Variants in THSD1 observed in about 807,000 individuals in gnomAD.
The protein encoded by THSD1 is thrombospondin type-1 domain-containing protein 1.
Under a neutral mutation model 46.3 loss-of-function variants are expected in THSD1, and 34 were observed. The observed-to-expected ratio is 0.74, with a 90% CI of 0.56 to 0.98. The LOEUF is 0.98. Among genes scored for constraint, THSD1 ranks in the 50% least tolerant of loss-of-function variants. The probability of loss-of-function intolerance (pLI) is 0.00; values close to 1 mark genes in which losing one functional copy is unlikely to be tolerated. For synonymous variants in THSD1, 407 were observed against 416.5 expected, an observed-to-expected ratio of 0.98 and a Z score of 0.28; for missense variants, 1,023 against 1,058.3, an observed-to-expected ratio of 0.97 and a Z score of 0.46.
Position 52,377,591 on chromosome 13 carries a change from A to G in THSD1, c.2379T>C (p.Ser793=). ...TTTGACACTTGTCTTTTCTACACTG[A>G]GAAGGGCTCAGAGAACTGACCCTCT... is the stretch of plus-strand genomic sequence containing the variant. The part of the protein sequence containing the change: ...NYQRVSSLSP[S]QCRKDKCQSF... The change falls in exon 5 of 5, where the codon TCT becomes TCC. Residue 793 remains serine, a synonymous_variant. Transcript: ENST00000258613. 1.2e-6 allele frequency: 2 copies of G among 1,602,406 alleles called. No individual in the cohort carries two copies. The highest frequency in any genetic ancestry group is 1.7e-6 in the Non-Finnish European group (2 of 1,172,118).
chr13:52,395,782 T>TC (rs1957805824), intron 3 of THSD1, among the ~76,000 whole-genome samples: 1 of 152,066 alleles, frequency 6.6e-6, no homozygotes, highest in Non-Finnish European at 1.5e-5. Flanking sequence ...GTCCTGTACC[T>TC]CATTTGTTGT....
rs148968218 is a variant in THSD1 at position 52,388,840 on chromosome 13, G to A, written c.1022-2654C>T. Among the ~76,000 whole-genome samples, 1,002 of 152,242 alleles carry A rather than the reference G, an allele frequency of 6.6e-3. 7 individuals are homozygous for A. The highest frequency in any genetic ancestry group is 0.011 in the Non-Finnish European group (764 of 68,018). The stretch of plus-strand genomic sequence containing the variant: ...TTATGACAACGATCACACAAAGAAT[G>A]GGAGGAGTGAATTGGGAGTGTATTG... On this transcript the variant is annotated intron_variant, in intron 3 of 4. Transcript: ENST00000258613.
rs1439148967 is a variant in THSD1, at chr13:52,387,553, G to A, written c.1022-1367C>T. ...CAGAGAGAGAATGTAAAATAGCTAC[G>A]ATAAATATGCCAAAAACTTTAGTGG... On this transcript the variant is annotated intron_variant, in intron 3 of 4. Coordinates refer to ENST00000258613, the MANE Select transcript of THSD1 (RefSeq NM_018676.4). Among the ~76,000 whole-genome samples, 10 of 152,194 alleles carry A rather than the reference G, an allele frequency of 6.6e-5. 1 individual carries two copies. The highest frequency in any genetic ancestry group is 4.1e-4 in the South Asian group (2 of 4,832).
chr13:52,402,633 C>T lies in THSD1; in HGVS notation c.-33G>A, dbSNP rs1429063187. On this transcript the variant is annotated 5_prime_UTR_variant, in exon 2 of 5. Transcript: ENST00000258613. ...GACAAAATCCCAGGTCTTTAGTCTC[C>T]TCATGTCCTTTCTCACGTCCAGATT... The T allele has an allele frequency of 1.9e-6, 3 of 1,612,348 alleles. No individual in the cohort carries two copies. The highest frequency in any genetic ancestry group is 1.1e-5 in the South Asian group (1 of 90,678).
At chr13:52,382,297 C>T (rs530437111) in intron 4 of THSD1, among the ~76,000 whole-genome samples, 1 of 152,336 alleles carries the variant, frequency 6.6e-6, no homozygotes, top group South Asian at 2.1e-4. Flanking sequence ...TTCATGCTCC[C>T]TCTCCATCAC....
intron 4 of THSD1, chr13:52,383,978 G>A (rs574308568): frequency 2.2e-4 from 42 of 193,876 alleles, no homozygotes; most frequent in Non-Finnish European, 4.2e-4. Context: ...CGAGGCAGGC[G>A]GATCACCTGA....
chr13:52,384,653 T>C (rs9536048), intron 4 of THSD1, among the ~76,000 whole-genome samples: 106,263 of 152,058 alleles, frequency 0.7, 37,256 homozygotes, highest in Middle Eastern at 0.79. Context: ...AAAGATTAGT[T>C]GTCACCAGTG....
intron 2 of THSD1, among the ~76,000 whole-genome samples, chr13:52,399,073 G>A (rs1480937369): frequency 6.6e-6 from 1 of 152,184 alleles, no homozygotes; most frequent in Non-Finnish European, 1.5e-5. Flanking sequence ...ATAACCGAAG[G>A]GATAGGGTGA....
chr13:52,397,517 T>A lies in THSD1; in HGVS notation c.736A>T (p.Met246Leu). Reference protein sequence around the residue: ...LAQKFGYKLVMVPELTCESGV... With the variant: ...LAQKFGYKLVLVPELTCESGV... ...GACTCACATGTGAGTTCTGGCACCA[T>A]CACCAGTTTGTATCCAAATTTCTGG... Residue 246 changes from methionine (M) to leucine (L), a missense_variant, in exon 3 of 5, where the codon ATG (methionine) becomes TTG (leucine). Transcript: ENST00000258613. 1 of 1,614,120 alleles carries A rather than the reference T, an allele frequency of 6.2e-7. No homozygotes were observed. The highest frequency in any genetic ancestry group is 8.5e-7 in the Non-Finnish European group (1 of 1,180,020).
In THSD1 at chr13:52,397,460, A is replaced by T. The variant is rs1325380298; in HGVS notation, c.793T>A (p.Cys265Ser). 1 of 1,614,008 alleles carries T rather than the reference A, an allele frequency of 6.2e-7. No homozygotes were observed. Among genetic ancestry groups the T allele is most frequent in the African/African-American group, 1.3e-5 (1 of 74,906 alleles). ...GTGACCACTCCTTGGACGAAGGTGCATGGTGGAGGCAGCACTGTCACCTCT... is the reference window on the plus strand; with the variant it reads ...GTGACCACTCCTTGGACGAAGGTGCTTGGTGGAGGCAGCACTGTCACCTCT... The part of the protein sequence containing the change: ...GVEVTVLPPP[C>S]TFVQGVVTVF... Residue 265 changes from cysteine (C) to serine (S), a missense_variant, in exon 3 of 5, where the codon TGC becomes AGC. Transcript: ENST00000258613.
In THSD1 at chr13:52,398,134, T is replaced by C; in HGVS notation, c.119A>G (p.Asp40Gly). ...REPGHVALSN[D>G]TVYVDFQYFD... The stretch of plus-strand genomic sequence containing the variant: ...ATACTGGAAATCCACATACACTGTG[T>C]CGTTGCTTAGTGCTACATGGCCTGG... Residue 40 changes from aspartate to glycine, a missense_variant, in exon 3 of 5, where the codon GAC becomes GGC. By Grantham distance (94) the Asp-to-Gly change is moderately conservative. Around this residue, in one of 3 missense-constraint regions of THSD1, gnomAD observed 429 missense variants for 518.3 expected, o/e 0.83. Coordinates refer to ENST00000258613, the MANE Select transcript of THSD1 (RefSeq NM_018676.4). 1 of 1,614,230 alleles carries C rather than the reference T, an allele frequency of 6.2e-7. No individual in the cohort carries two copies.
chr13:52,401,310 T>C (rs1957858418), intron 2 of THSD1, among the ~76,000 whole-genome samples: 1 of 149,868 alleles, frequency 6.7e-6, no homozygotes. Context: ...AATTACTTTT[T>C]TTTTTTTGAG....
intron 3 of THSD1, among the ~76,000 whole-genome samples, chr13:52,390,702 C>G (rs575325623): frequency 6.6e-6 from 1 of 152,036 alleles, no homozygotes; most frequent in Non-Finnish European, 1.5e-5. Context: ...ACTGGAAATC[C>G]GACTACTGTA....
At chr13:52,396,085 C>G (rs890917029) in intron 3 of THSD1, among the ~76,000 whole-genome samples, 2 of 151,950 alleles carry the variant, frequency 1.3e-5, no homozygotes, top group African/African-American at 4.8e-5. Flanking sequence ...AAAGGAAGTG[C>G]AAGGAGGGAA....
intron 3 of THSD1, 88 bp downstream of exon 3, chr13:52,397,144 C>A: frequency 1.7e-6 from 2 of 1,172,844 alleles, no homozygotes; most frequent in Non-Finnish European, 2.4e-6. Context: ...AATGATGGTA[C>A]AATTCACCTA....
At chr13:52,398,224 A>G (rs751769498) in intron 2 of THSD1, 30 bp from the exon 3 acceptor site, 4 of 1,581,112 alleles carry the variant, frequency 2.5e-6, no homozygotes, top group Non-Finnish European at 3.4e-6. Flanking sequence ...ATTGGTTTTT[A>G]AAAGGTGCAT....
intron 3 of THSD1, among the ~76,000 whole-genome samples, chr13:52,394,179 A>C (rs958665420): frequency 6.6e-6 from 1 of 152,228 alleles, no homozygotes; most frequent in Non-Finnish European, 1.5e-5. Context: ...TGGAAAGCCC[A>C]GCAGCTGGGA....
rs539207316 is a variant in THSD1, at chr13:52,392,807, C to T, written c.1021+4425G>A. Among the ~76,000 whole-genome samples the T allele has an allele frequency of 2.0e-5, 3 of 152,280 alleles. No homozygotes were observed. In the East Asian group the frequency reaches 5.8e-4, roughly 29 times the overall value. On this transcript the variant is annotated intron_variant, in intron 3 of 4. Coordinates refer to ENST00000258613, the MANE Select transcript of THSD1 (RefSeq NM_018676.4). ...AAATTCTATAGACATAAGGGAGTAG[C>T]TATAAGCAGTAGGAAGAGCAGTAGC...
chr13:52,400,368 T>C (rs1434346095), intron 2 of THSD1, among the ~76,000 whole-genome samples: 1 of 152,070 alleles, frequency 6.6e-6, no homozygotes, highest in African/African-American at 2.4e-5. Flanking sequence ...GAGGCCGAGA[T>C]GGGTGGATCA....
Sources: allele counts gnomAD v4.1 joint callset (sites outside exome capture counted in the v4.1 genomes callset), GRCh38; gene constraint gnomAD v4.1.1; regional missense constraint gnomAD v4.1.1; transcripts MANE v1.5; gene names NCBI Gene and HGNC (gene_info 2026-07-23, HGNC 2026-07-21).